GALNTL6: variants seen among roughly 807,000 people sequenced by gnomAD.
The protein encoded by GALNTL6 is polypeptide N-acetylgalactosaminyltransferase like 6.
GALNTL6 carries 46 observed loss-of-function variants against 73.7 expected under a neutral mutation model. The observed-to-expected ratio is 0.62, with a 90% CI of 0.49 to 0.80. The LOEUF (loss-of-function observed/expected upper bound fraction) is 0.80, where lower values mean the gene tolerates loss of function less well. Among genes scored for constraint, GALNTL6 ranks in the 30% least tolerant of loss-of-function variants. GALNTL6 has a pLI of 0.00. For synonymous variants in GALNTL6, 259 were observed against 263.7 expected (o/e 0.98, Z 0.17); for missense variants, 604 against 755.0 (o/e 0.80, Z 2.34).
chr4:172,518,832 T>A (rs190708727), intron 5 of GALNTL6, among the ~76,000 whole-genome samples: 57 of 152,044 alleles, frequency 3.7e-4, no homozygotes, highest in Admixed American at 7.9e-4. Context: ...GATTATCATG[T>A]TTCAGAAATA....
At chr4:172,429,831 T>C (rs1410264757) in intron 5 of GALNTL6, among the ~76,000 whole-genome samples, 1 of 152,202 alleles carries the variant, frequency 6.6e-6, no homozygotes, top group East Asian at 1.9e-4. Context: ...TGAAGCGTAT[T>C]TGATAAAACT....
intron 3 of GALNTL6, 73 bp downstream of exon 3, chr4:172,229,837 T>G: frequency 5.1e-5 from 44 of 860,392 alleles, no homozygotes; most frequent in Non-Finnish European, 7.1e-5. Context: ...AAAGGATCTC[T>G]AATTAGCATT....
intron 5 of GALNTL6, among the ~76,000 whole-genome samples, chr4:172,435,483 C>T (rs1015415120): frequency 5.3e-5 from 8 of 152,008 alleles, no homozygotes; most frequent in South Asian, 2.1e-4. Context: ...GATGAGTGGG[C>T]GTTACAGAGA....
At chr4:172,534,448 C>T (rs563781381) in intron 5 of GALNTL6, among the ~76,000 whole-genome samples, 1 of 152,150 alleles carries the variant, frequency 6.6e-6, no homozygotes, top group African/African-American at 2.4e-5. Flanking sequence ...TGGAAAGCAA[C>T]TAAAAACATG....
intron 5 of GALNTL6, among the ~76,000 whole-genome samples, chr4:172,462,278 C>T (rs571702492): frequency 6.6e-6 from 1 of 152,266 alleles, no homozygotes; most frequent in South Asian, 2.1e-4. Flanking sequence ...ATATCCATCT[C>T]TTTATTCTGT....
At chr4:172,002,175 G>C (rs1322939274) in intron 2 of GALNTL6, among the ~76,000 whole-genome samples, 1 of 152,194 alleles carries the variant, frequency 6.6e-6, no homozygotes, top group Non-Finnish European at 1.5e-5. Flanking sequence ...GGAGGTTTAA[G>C]AGTGCCATGG....
intron 3 of GALNTL6, among the ~76,000 whole-genome samples, chr4:172,271,106 T>C (rs1333646395): frequency 2.6e-5 from 4 of 152,158 alleles, no homozygotes; most frequent in African/African-American, 9.6e-5. Flanking sequence ...CAATTCTAAC[T>C]CTATAATCCC....
At chr4:172,410,117 T>C (rs1744377548) in intron 5 of GALNTL6, among the ~76,000 whole-genome samples, 1 of 152,022 alleles carries the variant, frequency 6.6e-6, no homozygotes, top group African/African-American at 2.4e-5. Flanking sequence ...AAATTAAAAA[T>C]TTTTATTAAC....
At chr4:172,641,745 T>C (rs904509925) in intron 5 of GALNTL6, among the ~76,000 whole-genome samples, 12 of 152,142 alleles carry the variant, frequency 7.9e-5, no homozygotes, top group Non-Finnish European at 1.5e-5. Context: ...ATTATATTTA[T>C]TTTTATTGTT....
intron 2 of GALNTL6, among the ~76,000 whole-genome samples, chr4:172,018,756 C>G (rs1432586894): frequency 6.6e-6 from 1 of 152,120 alleles, no homozygotes; most frequent in Non-Finnish European, 1.5e-5. Context: ...CAGGCAGGTT[C>G]ATGCCCAATC....
At chr4:171,958,884 A>C (rs989287856) in intron 2 of GALNTL6, among the ~76,000 whole-genome samples, 2 of 152,160 alleles carry the variant, frequency 1.3e-5, no homozygotes, top group Admixed American at 1.3e-4. Context: ...CATTTTAATA[A>C]ATGTACACCA....
intron 2 of GALNTL6, among the ~76,000 whole-genome samples, chr4:172,028,037 T>C (rs1438840894): frequency 2.0e-5 from 3 of 152,098 alleles, no homozygotes. Flanking sequence ...CTAGCTAGAA[T>C]AATTGATGAA....
intron 5 of GALNTL6, among the ~76,000 whole-genome samples, chr4:172,507,468 C>T (rs2110788257): frequency 1.8e-5 from 1 of 54,302 alleles, no homozygotes; most frequent in African/African-American, 4.6e-5. Context: ...GTATTGTTTT[C>T]TGAGTCCCCA....
chr4:172,433,650 C>G (rs1214632800), intron 5 of GALNTL6, among the ~76,000 whole-genome samples: 1 of 152,092 alleles, frequency 6.6e-6, no homozygotes, highest in Non-Finnish European at 1.5e-5. Context: ...TCCTCCCCAT[C>G]TACTCTTCAT....
rs186215781 is a variant in GALNTL6, at chr4:172,350,985, T to C, written c.553+2296T>C. ...TCTCTGTTTATCAAAATGAGAATGA[T>C]AGTGACTCTTCATGGAGAGGTTATG... is the stretch of plus-strand genomic sequence containing the variant. On this transcript the variant is annotated intron_variant, in intron 5 of 12. Transcript: ENST00000506823. Among the ~76,000 whole-genome samples the C allele has an allele frequency of 8.1e-4, 124 of 152,244 alleles. 1 individual carries two copies. The South Asian group carries it at 0.016, about 19-fold the overall frequency.
At chr4:172,869,603 T>A (rs1156536995) in intron 7 of GALNTL6, among the ~76,000 whole-genome samples, 1 of 152,192 alleles carries the variant, frequency 6.6e-6, no homozygotes, top group African/African-American at 2.4e-5. Context: ...ATTCAATCCT[T>A]AACACTCACT....
intron 5 of GALNTL6, among the ~76,000 whole-genome samples, chr4:172,477,783 C>T (rs1383293603): frequency 1.3e-5 from 2 of 152,010 alleles, no homozygotes; most frequent in East Asian, 3.9e-4. Flanking sequence ...AAATCAGATA[C>T]ATACTGAGGA....
intron 2 of GALNTL6, among the ~76,000 whole-genome samples, chr4:172,015,215 T>C (rs998200676): frequency 1.3e-5 from 2 of 152,078 alleles, no homozygotes; most frequent in Non-Finnish European, 2.9e-5. Context: ...TAGCAATTGC[T>C]TTGTAAATTT....
intron 2 of GALNTL6, among the ~76,000 whole-genome samples, chr4:172,123,145 G>A (rs919256467): frequency 6.6e-6 from 1 of 152,150 alleles, no homozygotes; most frequent in Non-Finnish European, 1.5e-5. Flanking sequence ...TTTATTCACT[G>A]ACAGTAAGGT....
Sources: allele counts gnomAD v4.1 joint callset (sites outside exome capture counted in the v4.1 genomes callset), GRCh38; gene constraint gnomAD v4.1.1; transcripts MANE v1.5; gene names NCBI Gene and HGNC (gene_info 2026-07-23, HGNC 2026-07-21).